Variants in HDAC9 observed in about 807,000 individuals in gnomAD.
The protein encoded by HDAC9 is MEF-2 interacting transcription repressor (MITR) protein.
Under a neutral mutation model 139.4 loss-of-function variants are expected in HDAC9, and 41 were observed. That is an observed-to-expected ratio of 0.29 (90% CI 0.23 to 0.38). HDAC9 has a LOEUF of 0.38. HDAC9 is among the 10% of genes least tolerant of loss of function. The pLI is 1.00. For missense variants in HDAC9, 1,147 were observed against 1,297.0 expected, an observed-to-expected ratio of 0.88 and a Z score of 1.78; for synonymous variants, 517 against 476.2, an observed-to-expected ratio of 1.09 and a Z score of -1.12.
chr7:18,512,049 A>T (rs1801701448), intron 2 of HDAC9, among the ~76,000 whole-genome samples: 1 of 151,628 alleles, frequency 6.6e-6, no homozygotes, highest in South Asian at 2.1e-4. Context: ...TTCTCATTAG[A>T]TGTAGAAAAA....
chr7:18,930,742 G>A (rs1450889667), intron 22 of HDAC9, among the ~76,000 whole-genome samples: 1 of 152,186 alleles, frequency 6.6e-6, no homozygotes, highest in Non-Finnish European at 1.5e-5. Context: ...CTCAGTCTCT[G>A]ACTGCAGAGA....
rs890942639 is a variant in HDAC9, at chr7:18,835,678, G to C, written c.2586+92G>C. ...CCCCTAATTTTCTTGTCCTTTGCTGGTGTTTTAAATTACACGAGATTACTG... is the reference window on the plus strand; with the variant it reads ...CCCCTAATTTTCTTGTCCTTTGCTGCTGTTTTAAATTACACGAGATTACTG... On this transcript the variant is annotated intron_variant, in intron 20 of 25. Coordinates refer to ENST00000686413, the MANE Select transcript of HDAC9 (RefSeq NM_178425.4). The C allele has an allele frequency of 4.6e-6, 7 of 1,535,692 alleles. 1 individual carries two copies. Among genetic ancestry groups the C allele is most frequent in the Middle Eastern group, 3.4e-4 (2 of 5,914 alleles).
chr7:18,735,956 T>C (rs934518464), intron 13 of HDAC9, among the ~76,000 whole-genome samples: 3 of 152,186 alleles, frequency 2.0e-5, no homozygotes, highest in Non-Finnish European at 2.9e-5. Flanking sequence ...TCACATCCCT[T>C]GTAAGTTGTA....
intron 21 of HDAC9, among the ~76,000 whole-genome samples, chr7:18,868,557 G>C (rs1798665558): frequency 6.6e-6 from 1 of 152,222 alleles, no homozygotes; most frequent in Non-Finnish European, 1.5e-5. Context: ...TTTCCTCAGT[G>C]GAGTATATGG....
intron 25 of HDAC9, among the ~76,000 whole-genome samples, chr7:18,984,825 T>C (rs1785201910): frequency 6.6e-6 from 1 of 152,094 alleles, no homozygotes. Context: ...TAGGGTTGAG[T>C]AATGGTACTG....
chr7:18,611,299 G>A (rs801515), intron 6 of HDAC9, among the ~76,000 whole-genome samples: 2 of 152,006 alleles, frequency 1.3e-5, no homozygotes, highest in African/African-American at 2.4e-5. Flanking sequence ...GTAATCAGTG[G>A]ATTCTGAGAT....
rs1411482854 is a variant in HDAC9 at position 18,814,522 on chromosome 7, A to G, written c.2323-14639A>G. Among the ~76,000 whole-genome samples, 4 of 152,246 alleles carry G rather than the reference A, an allele frequency of 2.6e-5. No individual in the cohort carries two copies. The East Asian group carries it at 7.7e-4, about 29-fold the overall frequency. ...GATTGTACATATCATACACACTTGG[A>G]GAACATTAGTATTTTTCACCTCTGT... On this transcript the variant is annotated intron_variant, in intron 17 of 25. Transcript: ENST00000686413.
chr7:18,789,493 A>G (rs562620657), intron 16 of HDAC9, among the ~76,000 whole-genome samples: 1 of 152,306 alleles, frequency 6.6e-6, no homozygotes, highest in South Asian at 2.1e-4. Flanking sequence ...GCAAGACCTT[A>G]GTAGTAGGCC....
chr7:18,966,665 C>T (rs1016843382), intron 24 of HDAC9, among the ~76,000 whole-genome samples: 4 of 151,906 alleles, frequency 2.6e-5, no homozygotes, highest in East Asian at 1.9e-4. Context: ...TGCACCACCG[C>T]GCTCCAGCCT....
intron 1 of HDAC9, among the ~76,000 whole-genome samples, chr7:18,094,148 A>G (rs1782346790): frequency 6.6e-6 from 1 of 152,124 alleles, no homozygotes; most frequent in South Asian, 2.1e-4. Context: ...GTGGCCAGGC[A>G]AAGGGAGTTT....
At chr7:18,581,945 A>G (rs1289532344) in intron 2 of HDAC9, among the ~76,000 whole-genome samples, 1 of 152,232 alleles carries the variant, frequency 6.6e-6, no homozygotes, top group African/African-American at 2.4e-5. Context: ...TTTTCATTAA[A>G]GTGACACATA....
chr7:18,859,008 A>C (rs966607130), intron 21 of HDAC9, among the ~76,000 whole-genome samples: 1 of 152,162 alleles, frequency 6.6e-6, no homozygotes, highest in African/African-American at 2.4e-5. Flanking sequence ...TGAAATTGTC[A>C]AGCTTCCGAG....
At position 18,114,317 on chromosome 7, in the gene HDAC9, A is replaced by G. The variant is rs566286081; in HGVS notation, c.-97+27104A>G. Among the ~76,000 whole-genome samples the G allele has an allele frequency of 1.6e-3, 237 of 152,344 alleles. 1 individual carries two copies. The highest frequency in any genetic ancestry group is 0.01 in the Middle Eastern group (3 of 294). On this transcript the variant is annotated intron_variant, in intron 1 of 12. Transcript: ENST00000417496. ...GACCTCATTGGCCACCCTTGGCTAC[A>G]ATAGAGTTTGGGAATGTGAATATTT...
intron 25 of HDAC9, 37 bp downstream of exon 25, chr7:18,975,990 C>G: frequency 6.3e-7 from 1 of 1,585,424 alleles, no homozygotes; most frequent in Non-Finnish European, 8.6e-7. Context: ...CCGGGTCAGT[C>G]ATATCCAGGC....
At chr7:18,522,256 G>A (rs1805290247) in intron 2 of HDAC9, among the ~76,000 whole-genome samples, 1 of 152,122 alleles carries the variant, frequency 6.6e-6, no homozygotes, top group African/African-American at 2.4e-5. Context: ...AGAACTAACA[G>A]CCACACACTC....
chr7:18,869,147 G>GGGGTGTGTGT (rs869054896), intron 21 of HDAC9, among the ~76,000 whole-genome samples: 7 of 138,128 alleles, frequency 5.1e-5, no homozygotes, highest in African/African-American at 1.9e-4. Context: ...TCACAATTGG[G>GGGGTGTGTGT]GTGTGTGTGT....
At chr7:18,984,684 G>T (rs1054096842) in intron 25 of HDAC9, among the ~76,000 whole-genome samples, 1 of 152,134 alleles carries the variant, frequency 6.6e-6, no homozygotes, top group Non-Finnish European at 1.5e-5. Context: ...GGGAGAGAAA[G>T]AAGTCCAAAT....
At chr7:18,613,481 C>G (rs564977856) in intron 6 of HDAC9, among the ~76,000 whole-genome samples, 1 of 152,054 alleles carries the variant, frequency 6.6e-6, no homozygotes, top group South Asian at 2.1e-4. Context: ...TCAACTACCC[C>G]TAATGTAAGC....
At chr7:18,933,835 G>T (rs897642921) in intron 22 of HDAC9, among the ~76,000 whole-genome samples, 10 of 152,008 alleles carry the variant, frequency 6.6e-5, no homozygotes, top group African/African-American at 2.4e-4. Flanking sequence ...TCACGAAATA[G>T]AACAAAATTG....
Sources: gnomAD v4.1 joint callset for allele counts (sites outside exome capture counted in the v4.1 genomes callset) on GRCh38, gnomAD v4.1.1 for gene constraint, MANE v1.5 for transcripts, NCBI Gene and HGNC (gene_info 2026-07-23, HGNC 2026-07-21) for gene names.